ZSWIM6: variants seen among roughly 807,000 people sequenced by gnomAD.
ZSWIM6 encodes the protein zinc finger SWIM domain-containing protein 6.
Under a neutral mutation model 113.2 loss-of-function variants are expected in ZSWIM6, and 9 were observed. That is an observed-to-expected ratio of 0.08 (90% CI 0.05 to 0.14). ZSWIM6 has a LOEUF of 0.14. ZSWIM6 is among the 10% of genes least tolerant of loss of function. The pLI, the probability that ZSWIM6 is intolerant of heterozygous loss-of-function variation, is 1.00. For synonymous variants in ZSWIM6, 611 were observed against 606.5 expected (o/e 1.01, Z -0.11); for missense variants, 1,162 against 1,552.2 (o/e 0.75, Z 4.22).
intron 1 of ZSWIM6, among the ~76,000 whole-genome samples, chr5:61,409,030 C>A (rs574871717): frequency 2.3e-5 from 3 of 131,106 alleles, no homozygotes; most frequent in South Asian, 4.9e-4. Context: ...TTGATGACTT[C>A]TAAATTATGA....
At chr5:61,402,085 C>G (rs1310741489) in intron 1 of ZSWIM6, among the ~76,000 whole-genome samples, 1 of 151,870 alleles carries the variant, frequency 6.6e-6, no homozygotes, top group Non-Finnish European at 1.5e-5. Context: ...GGATAAAATT[C>G]AAGGAAATGA....
At chr5:61,499,080 A>G (rs139424631) in intron 4 of ZSWIM6, among the ~76,000 whole-genome samples, 1 of 152,296 alleles carries the variant, frequency 6.6e-6, no homozygotes, top group African/African-American at 2.4e-5. Flanking sequence ...AGAACTGGAA[A>G]GCTTACCAAA....
At chr5:61,429,862 A>G (rs1222509892) in intron 1 of ZSWIM6, among the ~76,000 whole-genome samples, 2 of 152,188 alleles carry the variant, frequency 1.3e-5, no homozygotes, top group East Asian at 1.9e-4. Flanking sequence ...TGTGAACGGT[A>G]TCCCCAGGAT....
rs202233157 is a variant in ZSWIM6, at chr5:61,479,163, T to C, written c.1033+6126T>C. 4.6e-5 allele frequency among the ~76,000 whole-genome samples: 7 copies of C among 150,672 alleles called. No homozygotes were observed. The East Asian group carries it at 1.4e-3, about 29-fold the overall frequency. ...TCCAGCCTGGGTGACAGAGCAGGAC[T>C]CTGTCTCAAAAAAAAAAAAAGTGTT... On this transcript the variant is annotated intron_variant, in intron 2 of 13. Coordinates refer to ENST00000252744, the MANE Select transcript of ZSWIM6 (RefSeq NM_020928.2).
rs1259358046 is a variant in ZSWIM6, at chr5:61,472,879, A to G, written c.875A>G (p.His292Arg). The G allele has an allele frequency of 2.6e-6, 4 of 1,551,734 alleles. No homozygotes were observed. The highest frequency in any genetic ancestry group is 2.4e-5 in the South Asian group (2 of 84,068). ...CGCAAGCCAGATCAGGTCAAACTGCATCTTCCTATTTCAGAGACTCTCTTT... is the reference window on the plus strand; with the variant it reads ...CGCAAGCCAGATCAGGTCAAACTGCGTCTTCCTATTTCAGAGACTCTCTTT... ...RIRKPDQVKL[H>R]LPISETLFQM... The change falls in exon 2 of 14, where the codon CAT (histidine) becomes CGT (arginine). Residue 292 changes from histidine (H) to arginine (R), a missense_variant. By Grantham distance (29) the His-to-Arg change is conservative. Coordinates refer to ENST00000252744, the MANE Select transcript of ZSWIM6 (RefSeq NM_020928.2). This position sits in a 1 kb window ranked among gnomAD's most constrained non-coding sequence, Gnocchi z 4.1.
chr5:61,402,521 TG>T (rs1414593392), intron 1 of ZSWIM6, among the ~76,000 whole-genome samples: 1 of 150,898 alleles, frequency 6.6e-6, no homozygotes, highest in Non-Finnish European at 1.5e-5. Flanking sequence ...GATTCTAGTT[TG>T]TTTTTTTTTT....
At chr5:61,457,558 G>A (rs757194812) in intron 1 of ZSWIM6, among the ~76,000 whole-genome samples, 1 of 151,922 alleles carries the variant, frequency 6.6e-6, no homozygotes, top group Non-Finnish European at 1.5e-5. Flanking sequence ...TTTCACTCTT[G>A]TTGCCCAGGC....
At chr5:61,437,845 G>C (rs375008090) in intron 1 of ZSWIM6, among the ~76,000 whole-genome samples, 89 of 151,496 alleles carry the variant, frequency 5.9e-4, no homozygotes, top group African/African-American at 1.0e-3. Context: ...TACAGCAATA[G>C]TAACTATGGT....
intron 1 of ZSWIM6, among the ~76,000 whole-genome samples, chr5:61,456,821 G>A (rs1038500517): frequency 5.3e-5 from 8 of 151,330 alleles, no homozygotes; most frequent in African/African-American, 1.9e-4. Flanking sequence ...ATATTTTACA[G>A]TACTAACATT....
chr5:61,449,108 G>C (rs776674534), intron 1 of ZSWIM6, among the ~76,000 whole-genome samples: 1 of 152,138 alleles, frequency 6.6e-6, no homozygotes, highest in African/African-American at 2.4e-5. Flanking sequence ...GTTTTGTATA[G>C]TCCTGGGTTC....
intron 2 of ZSWIM6, among the ~76,000 whole-genome samples, chr5:61,485,965 A>G (rs1345148215): frequency 1.3e-5 from 2 of 152,100 alleles, no homozygotes; most frequent in African/African-American, 4.8e-5. Context: ...TATTTTGTTT[A>G]TTATCATTTT....
rs1427267107 is a variant in ZSWIM6 at position 61,356,787 on chromosome 5, T to A, written c.676+23839T>A. On this transcript the variant is annotated intron_variant, in intron 1 of 13. Transcript: ENST00000252744. The stretch of plus-strand genomic sequence containing the variant: ...TATGTATAATATATATATAAATATT[T>A]TATATATAATATAAATATATAATTG... 5.7e-5 allele frequency among the ~76,000 whole-genome samples: 8 copies of A among 141,058 alleles called. No individual in the cohort carries two copies. The East Asian group carries it at 9.9e-4, about 17-fold the overall frequency. 92.5% of individuals were successfully genotyped at this position (141,058 alleles called of 152,430 possible).
chr5:61,541,061 A>C (rs1477448502), intron 12 of ZSWIM6, among the ~76,000 whole-genome samples: 4 of 151,674 alleles, frequency 2.6e-5, no homozygotes, highest in Admixed American at 1.3e-4. Context: ...CTTCTACTTC[A>C]GCCCCCTGAG....
chr5:61,491,708 T>C (rs1423332771), intron 3 of ZSWIM6, among the ~76,000 whole-genome samples: 3 of 152,118 alleles, frequency 2.0e-5, no homozygotes, highest in Non-Finnish European at 4.4e-5. Flanking sequence ...ATTGGGGGTA[T>C]AGTCATCATT....
chr5:61,491,313 T>C (rs1748169845), intron 3 of ZSWIM6, among the ~76,000 whole-genome samples: 1 of 152,100 alleles, frequency 6.6e-6, no homozygotes, highest in Non-Finnish European at 1.5e-5. Context: ...TGTGCTTTAA[T>C]TATTTAGTTT....
At chr5:61,398,916 T>G (rs1429395143) in intron 1 of ZSWIM6, among the ~76,000 whole-genome samples, 1 of 80,512 alleles carries the variant, frequency 1.2e-5, no homozygotes, top group Non-Finnish European at 2.5e-5. Flanking sequence ...ATAGTTGTTT[T>G]TTTTTTTTTT....
At chr5:61,427,098 T>C (rs1746477298) in intron 1 of ZSWIM6, among the ~76,000 whole-genome samples, 2 of 152,242 alleles carry the variant, frequency 1.3e-5, no homozygotes, top group Admixed American at 1.3e-4. Context: ...TTGGCATCTA[T>C]TGATGGTTCA....
chr5:61,480,873 A>G (rs1747842004), intron 2 of ZSWIM6, among the ~76,000 whole-genome samples: 1 of 152,120 alleles, frequency 6.6e-6, no homozygotes, highest in Non-Finnish European at 1.5e-5. Flanking sequence ...CACCGATTTA[A>G]TGTTTCCTAG....
chr5:61,517,156 T>A (rs1486730991), intron 4 of ZSWIM6, among the ~76,000 whole-genome samples: 1 of 152,146 alleles, frequency 6.6e-6, no homozygotes, highest in Non-Finnish European at 1.5e-5. Context: ...TTGGCTAAGC[T>A]TCTTGGATCT....
Sources: gnomAD v4.1 joint callset for allele counts (sites outside exome capture counted in the v4.1 genomes callset) on GRCh38, gnomAD v4.1.1 for gene constraint, Gnocchi (gnomAD v3.1) non-coding constraint, MANE v1.5 for transcripts, NCBI Gene and HGNC (gene_info 2026-07-23, HGNC 2026-07-21) for gene names.